The following THSD7B variants were observed in gnomAD, a reference collection of about 807,000 sequenced individuals.
THSD7B encodes thrombospondin type 1 domain containing 7B, also known as thrombospondin type-1 domain-containing protein 7B.
Under a neutral mutation model 213.6 loss-of-function variants are expected in THSD7B, and 138 were observed. That is an observed-to-expected ratio of 0.65 (90% CI 0.56 to 0.74). THSD7B has a LOEUF of 0.74. Ranked by LOEUF, THSD7B falls within the 30% of genes least tolerant of loss-of-function variation. The probability of loss-of-function intolerance (pLI) is 0.00; values close to 1 mark genes in which losing one functional copy is unlikely to be tolerated. For missense variants in THSD7B, 1,931 were observed against 1,991.5 expected, an observed-to-expected ratio of 0.97 and a Z score of 0.58; for synonymous variants, 742 against 687.0, an observed-to-expected ratio of 1.08 and a Z score of -1.25.
chr2:136,853,022 ATG>A (rs143345210), intron 1 of THSD7B, among the ~76,000 whole-genome samples: 8 of 151,124 alleles, frequency 5.3e-5, no homozygotes, highest in South Asian at 2.1e-4. Flanking sequence ...ACCACTTTGC[ATG>A]TGTGTGTGTG....
At chr2:136,774,321 A>G (rs1681564268) in intron 1 of THSD7B, among the ~76,000 whole-genome samples, 3 of 151,980 alleles carry the variant, frequency 2.0e-5, no homozygotes, top group Non-Finnish European at 4.4e-5. Context: ...CAGCCCACCA[A>G]GGTGATATTT....
At chr2:137,097,429 G>T (rs950760788) in intron 4 of THSD7B, among the ~76,000 whole-genome samples, 6 of 152,028 alleles carry the variant, frequency 3.9e-5, no homozygotes, top group Non-Finnish European at 5.9e-5. Context: ...GAACATTTTT[G>T]AGAGTGAAAG....
At chr2:137,603,397 C>G (rs555934176) in intron 17 of THSD7B, among the ~76,000 whole-genome samples, 2 of 152,096 alleles carry the variant, frequency 1.3e-5, no homozygotes, top group Non-Finnish European at 2.9e-5. Flanking sequence ...TTAAAATGTG[C>G]TAAAATGGGT....
intron 12 of THSD7B, 22 bp downstream of exon 12, chr2:137,276,048 T>C (rs747672622): frequency 1.5e-4 from 231 of 1,567,278 alleles, no homozygotes; most frequent in Non-Finnish European, 2.0e-4. Flanking sequence ...TTTACATAGT[T>C]TTTTTTTATT....
intron 15 of THSD7B, among the ~76,000 whole-genome samples, chr2:137,557,220 C>T (rs1362709985): frequency 9.9e-5 from 15 of 152,146 alleles, no homozygotes; most frequent in Non-Finnish European, 1.5e-4. Context: ...ACTCTCCACC[C>T]CAAATCAACA....
chr2:137,264,442 A>G (rs1245371540), intron 10 of THSD7B, among the ~76,000 whole-genome samples: 1 of 151,678 alleles, frequency 6.6e-6, no homozygotes, highest in Non-Finnish European at 1.5e-5. Context: ...TAGAGGCGGG[A>G]TTTCACTGTG....
At chr2:137,054,915 A>C (rs1432987944) in intron 2 of THSD7B, among the ~76,000 whole-genome samples, 1 of 152,014 alleles carries the variant, frequency 6.6e-6, no homozygotes, top group Non-Finnish European at 1.5e-5. Context: ...ATTCGTCTTA[A>C]TGCTCTCCCC....
intron 14 of THSD7B, among the ~76,000 whole-genome samples, chr2:137,430,500 C>T (rs532335078): frequency 5.9e-5 from 9 of 152,238 alleles, no homozygotes; most frequent in South Asian, 4.1e-4. Context: ...CTCTAGCATA[C>T]CCATCAGAAG....
intron 12 of THSD7B, among the ~76,000 whole-genome samples, chr2:137,386,870 G>A (rs1271441626): frequency 6.6e-6 from 1 of 152,048 alleles, no homozygotes; most frequent in East Asian, 1.9e-4. Context: ...CTATCCTACC[G>A]TTAACAGCAA....
chr2:136,807,509 G>GTT lies in THSD7B; in HGVS notation c.-36+41837_-36+41838dup, dbSNP rs777353589. ...ACTTCCTAGCACTACAAAATGTTTC[G>GTT]TTTTTTTTTTTTTTTTGAGACGGAG... On this transcript the variant is annotated intron_variant, in intron 1 of 27. Transcript: ENST00000409968. Among the ~76,000 whole-genome samples, 85 of 104,882 alleles carry GTT rather than the reference G, an allele frequency of 8.1e-4. 9 individuals are homozygous for GTT. The highest frequency in any genetic ancestry group is 1.4e-3 in the Non-Finnish European group (76 of 54,330). 68.8% of individuals were successfully genotyped at this position (104,882 alleles called of 152,430 possible). A position where few individuals can be genotyped will look rare whatever the true frequency, so the allele number is the denominator to read the frequency against.
In THSD7B at chr2:137,657,662, A is replaced by G. The variant is rs146921900; in HGVS notation, c.4375+502A>G. Among the ~76,000 whole-genome samples, 359 of 152,348 alleles carry G rather than the reference A, an allele frequency of 2.4e-3. 3 individuals are homozygous for G. Among genetic ancestry groups the G allele is most frequent in the African/African-American group, 8.4e-3 (349 of 41,590 alleles). On this transcript the variant is annotated intron_variant, in intron 24 of 27. Coordinates refer to ENST00000409968, the MANE Select transcript of THSD7B (RefSeq NM_001316349.2). ...ATTTGTATTCATGTACTAGCAGCTT[A>G]GTTTTTGAATATTTTGTGAGTCATG... is the stretch of plus-strand genomic sequence containing the variant.
intron 17 of THSD7B, among the ~76,000 whole-genome samples, chr2:137,588,928 T>A (rs190619762): frequency 5.6e-4 from 85 of 152,124 alleles, no homozygotes; most frequent in African/African-American, 2.0e-3. Flanking sequence ...TACAGGTGCA[T>A]GCCACCATGC....
chr2:137,038,181 G>C (rs575256433), intron 2 of THSD7B, among the ~76,000 whole-genome samples: 60 of 152,278 alleles, frequency 3.9e-4, no homozygotes, highest in Admixed American at 2.6e-4. Flanking sequence ...GTTGTTGTAT[G>C]TTCCTTTTAC....
At chr2:137,289,838 G>T (rs940188390) in intron 12 of THSD7B, among the ~76,000 whole-genome samples, 5 of 152,014 alleles carry the variant, frequency 3.3e-5, no homozygotes, top group Admixed American at 1.3e-4. Context: ...GAAGGTGTTC[G>T]AGAGGGAGGA....
At chr2:137,207,464 G>A (rs2105030165) in intron 7 of THSD7B, among the ~76,000 whole-genome samples, 1 of 152,186 alleles carries the variant, frequency 6.6e-6, no homozygotes, top group East Asian at 1.9e-4. Context: ...GCAACAGGTG[G>A]CAACAAATTT....
At chr2:137,312,324 T>A (rs970719711) in intron 12 of THSD7B, among the ~76,000 whole-genome samples, 2 of 152,002 alleles carry the variant, frequency 1.3e-5, no homozygotes, top group African/African-American at 2.4e-5. Flanking sequence ...CTGATGGTAG[T>A]TTGTGTTTCT....
At chr2:137,303,346 G>A (rs772165284) in intron 12 of THSD7B, among the ~76,000 whole-genome samples, 7 of 152,062 alleles carry the variant, frequency 4.6e-5, no homozygotes, top group African/African-American at 4.8e-5. Context: ...GGTTCATTTT[G>A]TACTATGACC....
At chr2:137,370,582 T>C in intron 12 of THSD7B, among the ~76,000 whole-genome samples, 1 of 152,100 alleles carries the variant, frequency 6.6e-6, no homozygotes, top group Admixed American at 6.6e-5. Flanking sequence ...GATCCTCATG[T>C]CTCAGCCTCC....
chr2:136,798,304 G>T (rs1682109307), intron 1 of THSD7B, among the ~76,000 whole-genome samples: 2 of 151,882 alleles, frequency 1.3e-5, no homozygotes, highest in Admixed American at 1.3e-4. Context: ...AGGGTTGACT[G>T]GTTCCTAGCC....
Sources: allele counts gnomAD v4.1 joint callset (sites outside exome capture counted in the v4.1 genomes callset), GRCh38; gene constraint gnomAD v4.1.1; transcripts MANE v1.5; gene names NCBI Gene and HGNC (gene_info 2026-07-23, HGNC 2026-07-21).